The following NFIC variants were observed in gnomAD, a reference collection of about 807,000 sequenced individuals.
The protein encoded by NFIC is nuclear factor I C.
Under a neutral mutation model 54.4 loss-of-function variants are expected in NFIC, and 12 were observed. The ratio of observed to expected loss-of-function variants is 0.22; its 90% CI spans 0.14 to 0.36. The LOEUF is 0.36. Among genes scored for constraint, NFIC ranks in the 10% least tolerant of loss-of-function variants. The pLI is 1.00. For synonymous variants in NFIC, 322 were observed against 319.2 expected (o/e 1.01, Z -0.09); for missense variants, 575 against 718.2 (o/e 0.80, Z 2.28).
intron 3 of NFIC, among the ~76,000 whole-genome samples, chr19:3,431,933 C>T (rs1291285811): frequency 2.0e-5 from 3 of 152,180 alleles, no homozygotes; most frequent in East Asian, 3.8e-4. Flanking sequence ...TAGGAACATT[C>T]GTGGACTTTT....
chr19:3,393,534 G>A (rs1037579758), intron 2 of NFIC, among the ~76,000 whole-genome samples: 4 of 151,964 alleles, frequency 2.6e-5, no homozygotes, highest in African/African-American at 9.7e-5. Context: ...TAGAATGTTG[G>A]CTGGGCGTGG....
At chr19:3,397,233 A>G (rs937159201) in intron 2 of NFIC, among the ~76,000 whole-genome samples, 2 of 152,228 alleles carry the variant, frequency 1.3e-5, no homozygotes, top group African/African-American at 2.4e-5. Flanking sequence ...CACTGGCCTA[A>G]GGTCACATAG....
intron 7 of NFIC, among the ~76,000 whole-genome samples, chr19:3,451,613 A>G (rs1424677146): frequency 1.4e-5 from 2 of 147,200 alleles, no homozygotes; most frequent in Non-Finnish European, 1.5e-5. Flanking sequence ...CCTGGGTGAC[A>G]AAGCGAGATT....
chr19:3,379,895 T>C (rs2081172706), intron 1 of NFIC, among the ~76,000 whole-genome samples: 1 of 152,056 alleles, frequency 6.6e-6, no homozygotes, highest in African/African-American at 2.4e-5. Flanking sequence ...TCATCCAGGC[T>C]GGTCTTGAAC....
At chr19:3,366,557 G>GGGGGGGGGTTGGGGGGGGCT, upstream of NFIC, 1 of 670,464 alleles carries the variant, frequency 1.5e-6, no homozygotes, top group Non-Finnish European at 2.2e-6. Context: ...TGGGGGGGGC[G>GGGGGGGGGTTGGGGGGGGCT]GGGGGGTGGT....
At chr19:3,448,905 G>A (rs2082412538) in intron 6 of NFIC, 109 bp from the exon 7 acceptor site, 2 of 1,474,092 alleles carry the variant, frequency 1.4e-6, no homozygotes, top group South Asian at 1.4e-5. Context: ...GGGGTAAGAG[G>A]AGGCGGGGTG....
chr19:3,378,585 C>T lies in NFIC; in HGVS notation c.31-3127C>T, dbSNP rs191560960. Among the ~76,000 whole-genome samples, 99 of 152,306 alleles carry T rather than the reference C, an allele frequency of 6.5e-4. 1 individual carries two copies. The Middle Eastern group carries it at 0.014, about 21-fold the overall frequency. ...CCAGTCCACCTCTGTCCCCCATGGC[C>T]GGGTTCCCCCTCAAGGCCTCAGTTT... is the stretch of plus-strand genomic sequence containing the variant. On this transcript the variant is annotated intron_variant, in intron 1 of 10. Transcript: ENST00000443272.
rs370058617 is a variant in NFIC, at chr19:3,369,262, ATGTC to A, written c.30+2606_30+2609del. Among the ~76,000 whole-genome samples the A allele has an allele frequency of 3.4e-3, 503 of 147,066 alleles. 4 individuals carry two copies. The highest frequency in any genetic ancestry group is 0.012 in the African/African-American group (479 of 39,532). On this transcript the variant is annotated intron_variant, in intron 1 of 10. Transcript: ENST00000443272. This position sits in a 1 kb window ranked among gnomAD's most constrained non-coding sequence, Gnocchi z 4.3. ...CTCTCTGTCTCTGTTTCTCTCCAAT[ATGTC>A]TGTCTGTCTCTTCATCTCTGTCTCA...
chr19:3,420,497 T>G (rs1452910056), intron 2 of NFIC, among the ~76,000 whole-genome samples: 1 of 151,430 alleles, frequency 6.6e-6, no homozygotes, highest in African/African-American at 2.4e-5. Context: ...ATGAGCTGGA[T>G]CGTGCCACCG....
In NFIC at chr19:3,375,693, G is replaced by T. The variant is rs141464868; in HGVS notation, c.31-6019G>T. 3.9e-5 allele frequency among the ~76,000 whole-genome samples: 6 copies of T among 152,340 alleles called. No individual in the cohort carries two copies. Among genetic ancestry groups the T allele is most frequent in the South Asian group, 4.1e-4 (2 of 4,834 alleles). ...AGCTGACTCTGGTCTCACTGGGTGG[G>T]GAGGCTATTTTCAGAGCCTCAGTAA... On this transcript the variant is annotated intron_variant, in intron 1 of 10. Coordinates refer to ENST00000443272, the MANE Select transcript of NFIC (RefSeq NM_001245002.2). This position sits in a 1 kb window ranked among gnomAD's most constrained non-coding sequence, Gnocchi z 4.6.
intron 2 of NFIC, among the ~76,000 whole-genome samples, chr19:3,405,858 C>T (rs955050494): frequency 1.3e-5 from 2 of 151,946 alleles, no homozygotes; most frequent in Non-Finnish European, 2.9e-5. Context: ...CTGCCTTGGC[C>T]TCCCAAAGTG....
At chr19:3,399,290 A>G (rs1364729612) in intron 2 of NFIC, among the ~76,000 whole-genome samples, 1 of 152,210 alleles carries the variant, frequency 6.6e-6, no homozygotes, top group Non-Finnish European at 1.5e-5. Context: ...AAGAGTTTAC[A>G]TGCCCGCCAG....
intron 2 of NFIC, among the ~76,000 whole-genome samples, chr19:3,393,342 G>A (rs58907683): frequency 0.52 from 79,357 of 152,006 alleles, 22,600 homozygotes; most frequent in Middle Eastern, 0.64. Flanking sequence ...GAGGGAGAAG[G>A]GGGTTCTGAG....
At chr19:3,443,407 C>A (rs4806937) in intron 6 of NFIC, among the ~76,000 whole-genome samples, 73,314 of 150,474 alleles carry the variant, frequency 0.49, 19,408 homozygotes, top group East Asian at 0.75. Flanking sequence ...TGGGCAACAG[C>A]GTGAGACCCT....
chr19:3,463,016 G>A lies in NFIC; in HGVS notation c.*247G>A. The A allele has an allele frequency of 1.5e-6, 2 of 1,373,572 alleles. No homozygotes were observed. The highest frequency in any genetic ancestry group is 1.9e-6 in the Non-Finnish European group (2 of 1,068,688). The allele number at this position is 1,373,572 out of a possible 1,614,324, so 85.1% of individuals were successfully genotyped here. A position where few individuals can be genotyped will look rare whatever the true frequency, so the allele number is the denominator to read the frequency against. The stretch of plus-strand genomic sequence containing the variant: ...AAGCAAGAAGACAAAAGGTAAAGAC[G>A]CAACGTTTCCAACTCTCGGGACGCC... On this transcript the variant is annotated 3_prime_UTR_variant, in exon 11 of 11. Coordinates refer to ENST00000443272, the MANE Select transcript of NFIC (RefSeq NM_001245002.2).
At position 3,433,522 on chromosome 19, in the gene NFIC, G is replaced by C. The variant is rs377664780; in HGVS notation, c.639G>C (p.Thr213=). 6.2e-7 allele frequency: 1 copy of C among 1,613,652 alleles called. No homozygotes were observed. The highest frequency in any genetic ancestry group is 1.3e-5 in the African/African-American group (1 of 74,920). Residue 213 remains threonine (T), a synonymous_variant, in exon 4 of 11, where the codon ACG becomes ACC. Coordinates refer to ENST00000443272, the MANE Select transcript of NFIC (RefSeq NM_001245002.2). Reference sequence around the variant, plus strand: ...CCCGCTGTCTTCCTGTTCCAGACACGACCGACTTCCAGGAGAGCTTTGTCA... The same window carrying C: ...CCCGCTGTCTTCCTGTTCCAGACACCACCGACTTCCAGGAGAGCTTTGTCA... ...QEDSKPITLD[T]TDFQESFVTS...
Position 3,375,508 on chromosome 19 carries a change from C to T in NFIC, c.31-6204C>T, listed in dbSNP as rs897553252. On this transcript the variant is annotated intron_variant, in intron 1 of 10. Transcript: ENST00000443272. The surrounding 1 kb of genome is among the most constrained non-coding windows in gnomAD (Gnocchi z 4.6). ...AGTCAGGGGCAGGGACGAGATTGGA[C>T]AGGGCCTGGGCCGGGCCCCCTCCAC... Among the ~76,000 whole-genome samples, 1 of 152,226 alleles carries T rather than the reference C, an allele frequency of 6.6e-6. No homozygotes were observed. The highest frequency in any genetic ancestry group is 1.5e-5 in the Non-Finnish European group (1 of 68,038).
chr19:3,454,740 T>G (rs1459375870), intron 9 of NFIC, among the ~76,000 whole-genome samples: 2 of 137,680 alleles, frequency 1.5e-5, no homozygotes, highest in Non-Finnish European at 3.1e-5. Context: ...TTTGAGCATC[T>G]CTGTCCCTCA....
chr19:3,366,556 C>CGGGGGG, upstream of NFIC: 1 of 490,742 alleles, frequency 2.0e-6, no homozygotes, highest in Non-Finnish European at 2.9e-6. Flanking sequence ...TTGGGGGGGG[C>CGGGGGG]GGGGGGGTGG....
Sources: allele counts gnomAD v4.1 joint callset (sites outside exome capture counted in the v4.1 genomes callset), GRCh38; gene constraint gnomAD v4.1.1; non-coding constraint Gnocchi (gnomAD v3.1); transcripts MANE v1.5; gene names NCBI Gene and HGNC (gene_info 2026-07-23, HGNC 2026-07-21).